The following CDH12 variants were observed in gnomAD, a reference collection of about 807,000 sequenced individuals.
CDH12 encodes cadherin-12.
A neutral mutation model predicts 74.1 loss-of-function variants in CDH12; 41 were observed. That is an observed-to-expected ratio of 0.55 (90% CI 0.43 to 0.72). The LOEUF is 0.72. Ranked by LOEUF, CDH12 falls within the 30% of genes least tolerant of loss-of-function variation. The pLI is 0.00. For synonymous variants in CDH12, 399 were observed against 355.0 expected (o/e 1.12, Z -1.39); for missense variants, 945 against 977.2 (o/e 0.97, Z 0.44).
intron 7 of CDH12, among the ~76,000 whole-genome samples, chr5:21,853,582 A>G (rs1270835992): frequency 1.3e-5 from 2 of 151,694 alleles, no homozygotes; most frequent in African/African-American, 4.8e-5. Flanking sequence ...GTTAAGAAAC[A>G]TCAGTAGACC....
intron 3 of CDH12, among the ~76,000 whole-genome samples, chr5:22,263,581 G>C (rs1195548766): frequency 1.3e-5 from 2 of 151,950 alleles, no homozygotes; most frequent in Non-Finnish European, 2.9e-5. Flanking sequence ...TTCCATTTTT[G>C]GGGGGTGTAT....
At chr5:21,906,448 C>A (rs903525425) in intron 6 of CDH12, among the ~76,000 whole-genome samples, 2 of 152,122 alleles carry the variant, frequency 1.3e-5, no homozygotes, top group Admixed American at 1.3e-4. Flanking sequence ...TAGACAACTC[C>A]GAAATTCCTC....
At chr5:22,836,474 C>A (rs1035241996) in intron 1 of CDH12, among the ~76,000 whole-genome samples, 1 of 151,866 alleles carries the variant, frequency 6.6e-6, no homozygotes, top group Non-Finnish European at 1.5e-5. Context: ...CCTGATCCAC[C>A]TACCTCGGCC....
Position 21,755,887 on chromosome 5 carries a change from A to G in CDH12, c.1634-45T>C. The G allele has an allele frequency of 4.4e-6, 7 of 1,592,350 alleles. No individual in the cohort carries two copies. The South Asian group carries it at 5.6e-5, about 13-fold the overall frequency. On this transcript the variant is annotated intron_variant, in intron 13 of 14. Transcript: ENST00000382254. Reference sequence around the variant, plus strand: ...TGGTAACATGGTTACTATAAGCTTCACTTCAAATCTTCAAGTTGGTATCTG... The same window carrying G: ...TGGTAACATGGTTACTATAAGCTTCGCTTCAAATCTTCAAGTTGGTATCTG...
chr5:22,471,458 T>C (rs1191274678), intron 2 of CDH12, among the ~76,000 whole-genome samples: 1 of 152,190 alleles, frequency 6.6e-6, no homozygotes, highest in Non-Finnish European at 1.5e-5. Flanking sequence ...CTCATTATTG[T>C]AAATATAAAA....
intron 4 of CDH12, among the ~76,000 whole-genome samples, chr5:22,184,393 C>G (rs1464498370): frequency 1.3e-5 from 2 of 151,826 alleles, no homozygotes. Flanking sequence ...ACATTTTTTC[C>G]CCTGAGGCAA....
intron 4 of CDH12, among the ~76,000 whole-genome samples, chr5:22,117,519 A>ATT (rs1745239165): frequency 7.8e-5 from 7 of 89,520 alleles, no homozygotes; most frequent in Non-Finnish European, 1.5e-4. Flanking sequence ...TATAATATAT[A>ATT]TATAATATAT....
At chr5:22,368,184 TATTTAA>T (rs1274624955) in intron 3 of CDH12, among the ~76,000 whole-genome samples, 1 of 152,126 alleles carries the variant, frequency 6.6e-6, no homozygotes, top group Non-Finnish European at 1.5e-5. Flanking sequence ...AAACTTCATA[TATTTAA>T]ATTTAATTTT....
rs576618177 is a variant in CDH12 at position 22,842,713 on chromosome 5, A to G, written c.-523+10345T>C. Among the ~76,000 whole-genome samples, 17 of 152,280 alleles carry G rather than the reference A, an allele frequency of 1.1e-4. No homozygotes were observed. In the East Asian group the frequency reaches 3.3e-3, roughly 29 times the overall value. On this transcript the variant is annotated intron_variant, in intron 1 of 14. Coordinates refer to ENST00000382254, the MANE Select transcript of CDH12 (RefSeq NM_004061.5). ...TACTTGGATTTTTCAATATGAGATC[A>G]GTTAATAATGAAAGTATTTCCAGAA...
At chr5:22,810,926 T>TATACAC (rs1401519890) in intron 1 of CDH12, among the ~76,000 whole-genome samples, 2 of 151,900 alleles carry the variant, frequency 1.3e-5, no homozygotes, top group African/African-American at 4.8e-5. Flanking sequence ...TGTGTGTGTG[T>TATACAC]GTGTATACAC....
At chr5:21,919,428 G>A (rs959222995) in intron 6 of CDH12, among the ~76,000 whole-genome samples, 2 of 150,986 alleles carry the variant, frequency 1.3e-5, no homozygotes, top group African/African-American at 4.9e-5. Flanking sequence ...TGTTTTTATC[G>A]GACACAAAAC....
intron 3 of CDH12, among the ~76,000 whole-genome samples, chr5:22,260,592 T>C (rs2150393411): frequency 6.6e-6 from 1 of 152,152 alleles, no homozygotes; most frequent in East Asian, 1.9e-4. Context: ...TCGTTCTCTT[T>C]AGTAGTGTTG....
At chr5:22,377,968 A>T (rs912678420) in intron 3 of CDH12, among the ~76,000 whole-genome samples, 13 of 152,184 alleles carry the variant, frequency 8.5e-5, no homozygotes, top group African/African-American at 4.8e-5. Context: ...ATATTATTTC[A>T]CTCACTAATG....
intron 3 of CDH12, among the ~76,000 whole-genome samples, chr5:22,338,997 T>A (rs1405579727): frequency 6.6e-6 from 1 of 152,094 alleles, no homozygotes; most frequent in African/African-American, 2.4e-5. Context: ...AACAACCTCA[T>A]GAATTTGGAA....
At chr5:22,644,568 G>A (rs1039959669) in intron 1 of CDH12, among the ~76,000 whole-genome samples, 1 of 151,978 alleles carries the variant, frequency 6.6e-6, no homozygotes, top group Non-Finnish European at 1.5e-5. Flanking sequence ...CATGAGGTTT[G>A]AGAAGAGAAG....
intron 3 of CDH12, among the ~76,000 whole-genome samples, chr5:22,371,698 A>T (rs1293887482): frequency 1.3e-5 from 2 of 152,184 alleles, no homozygotes; most frequent in Admixed American, 6.5e-5. Flanking sequence ...CTAGCTTTTA[A>T]AATCAATTAA....
At chr5:21,932,233 C>T (rs1012327711) in intron 6 of CDH12, among the ~76,000 whole-genome samples, 27 of 152,124 alleles carry the variant, frequency 1.8e-4, no homozygotes, top group African/African-American at 5.8e-4. Flanking sequence ...AATGGGAACA[C>T]GCTATGGCCT....
rs570392834 is a variant in CDH12 at position 21,834,791 on chromosome 5, C to T, written c.814+7370G>A. On this transcript the variant is annotated intron_variant, in intron 8 of 14. Coordinates refer to ENST00000382254, the MANE Select transcript of CDH12 (RefSeq NM_004061.5). ...ATATGTTAGATAATTATACATTAAC[C>T]TTGCTGATCAAATTGGCCCACACCA... Among the ~76,000 whole-genome samples the T allele has an allele frequency of 5.3e-5, 8 of 151,950 alleles. No homozygotes were observed. In the South Asian group the frequency reaches 1.7e-3, roughly 32 times the overall value.
intron 4 of CDH12, among the ~76,000 whole-genome samples, chr5:22,092,547 A>T (rs925199326): frequency 2.0e-5 from 3 of 152,216 alleles, no homozygotes; most frequent in South Asian, 2.1e-4. Context: ...GAAAATGCAA[A>T]TCGAAAACCA....
Sources: gnomAD v4.1 joint callset for allele counts (sites outside exome capture counted in the v4.1 genomes callset) on GRCh38, gnomAD v4.1.1 for gene constraint, MANE v1.5 for transcripts, NCBI Gene and HGNC (gene_info 2026-07-23, HGNC 2026-07-21) for gene names.